Variants in C17orf75 observed in about 807,000 individuals in gnomAD.
C17orf75 encodes protein Njmu-R1.
C17orf75 carries 32 observed loss-of-function variants against 49.6 expected under a neutral mutation model. The ratio of observed to expected loss-of-function variants is 0.65; its 90% confidence interval spans 0.49 to 0.87. The LOEUF (loss-of-function observed/expected upper bound fraction) is 0.87. Among genes scored for constraint, C17orf75 ranks in the 40% least tolerant of loss-of-function variants. The pLI is 0.00. For synonymous variants in C17orf75, 158 were observed against 159.5 expected, an observed-to-expected ratio of 0.99 and a Z score of 0.07; for missense variants, 428 against 473.9, an observed-to-expected ratio of 0.90 and a Z score of 0.90.
upstream of C17orf75, chr17:32,343,923 G>A: frequency 8.8e-6 from 6 of 682,658 alleles, no homozygotes; most frequent in East Asian, 8.2e-5. Context: ...GTAGATATTT[G>A]GCAAAACTAG....
upstream of C17orf75, among the ~76,000 whole-genome samples, chr17:32,346,070 C>G (rs1160082277): frequency 1.3e-5 from 2 of 152,222 alleles, no homozygotes; most frequent in African/African-American, 4.8e-5. Context: ...GTCTCCAGCT[C>G]TAATCCATGG....
In C17orf75 at chr17:32,330,627, C is replaced by CA. The variant is rs1483731695; in HGVS notation, c.*1135dup. 1.3e-5 allele frequency: 2 copies of CA among 152,122 alleles called. No homozygotes were observed. The allele number at this position is 152,122 out of a possible 1,614,324, so 9.4% of individuals were successfully genotyped here. ...CAATCTGAGGCTTGTAACAAATGTA[C>CA]AAAAAACTAAAATCAATGAGTAACT... is the stretch of plus-strand genomic sequence containing the variant. On this transcript the variant is annotated 3_prime_UTR_variant, in exon 10 of 10. Coordinates refer to ENST00000577809, the MANE Select transcript of C17orf75 (RefSeq NM_022344.4).
chr17:32,344,518 G>A (rs2041409539), upstream of C17orf75, among the ~76,000 whole-genome samples: 2 of 151,542 alleles, frequency 1.3e-5, no homozygotes, highest in Admixed American at 1.3e-4. Flanking sequence ...TTGGGAGGCT[G>A]AGGCAGGAGA....
At position 32,335,421 on chromosome 17, in the gene C17orf75, T is replaced by A. The variant is rs2041315467; in HGVS notation, c.571A>T (p.Ile191Leu). The change falls in exon 6 of 10, where the codon ATA becomes TTA. Residue 191 changes from isoleucine (I) to leucine (L), a missense_variant. By Grantham distance (5) the Ile-to-Leu change is conservative. Transcript: ENST00000577809. ...NCEARGLESH[I>L]KSYLSSWFED... ...AACCAGCTGCTCAGATAGGATTTTATGTGACTCTCCAGGCCCCTTGCCTAA... is the reference window on the plus strand; with the variant it reads ...AACCAGCTGCTCAGATAGGATTTTAAGTGACTCTCCAGGCCCCTTGCCTAA... 1.9e-6 allele frequency: 3 copies of A among 1,613,852 alleles called. No homozygotes were observed. The Admixed American group carries it at 5.0e-5, about 27-fold the overall frequency.
chr17:32,341,389 G>C, intron 1 of C17orf75, 105 bp from the exon 2 acceptor site: 1 of 1,138,904 alleles, frequency 8.8e-7, no homozygotes, highest in Admixed American at 1.7e-5. Flanking sequence ...TAAAAATGCT[G>C]CAAGGTGGAA....
At chr17:32,336,766 A>C (rs1193797112) in intron 5 of C17orf75, among the ~76,000 whole-genome samples, 5 of 152,140 alleles carry the variant, frequency 3.3e-5, no homozygotes, top group African/African-American at 1.2e-4. Context: ...CATTGAATAG[A>C]TCGAATTTTT....
upstream of C17orf75, among the ~76,000 whole-genome samples, chr17:32,345,146 T>C (rs1028180822): frequency 6.6e-6 from 1 of 152,012 alleles, no homozygotes; most frequent in African/African-American, 2.4e-5. Context: ...CTCACGTCTT[T>C]ATTGTATTTT....
rs570765765 is a variant in C17orf75 at position 32,334,274 on chromosome 17, T to C, written c.871+195A>G. On this transcript the variant is annotated intron_variant, in intron 8 of 9. Transcript: ENST00000577809. The stretch of plus-strand genomic sequence containing the variant: ...ACTAGAATTTCTTTATGTACCTAGG[T>C]GTGGAATTGCTAGGCATGGCATGAT... 3.9e-5 allele frequency among the ~76,000 whole-genome samples: 6 copies of C among 152,340 alleles called. No individual in the cohort carries two copies. In the South Asian group the frequency reaches 1.2e-3, roughly 32 times the overall value.
At chr17:32,348,224 T>C (rs988042589) in intron 1 of C17orf75, among the ~76,000 whole-genome samples, 1 of 152,082 alleles carries the variant, frequency 6.6e-6, no homozygotes, top group Non-Finnish European at 1.5e-5. Context: ...GGTTTCACCA[T>C]GTTGGCCAGG....
intron 1 of C17orf75, 109 bp from the exon 2 acceptor site, chr17:32,341,393 G>T: frequency 2.8e-6 from 3 of 1,052,672 alleles, no homozygotes; most frequent in Non-Finnish European, 1.5e-6. Flanking sequence ...AATGCTGCAA[G>T]GTGGAAGTGC....
upstream of C17orf75, chr17:32,342,367 G>A: frequency 1.7e-6 from 1 of 582,910 alleles, no homozygotes; most frequent in Admixed American, 4.6e-5. Flanking sequence ...CATTTATTTT[G>A]AACTTATTTT....
chr17:32,341,026 C>T, intron 2 of C17orf75, 178 bp downstream of exon 2: 1 of 651,112 alleles, frequency 1.5e-6, no homozygotes, highest in South Asian at 1.8e-5. Context: ...TTTGTTTGCC[C>T]CAGCCTTGAA....
chr17:32,345,642 C>T (rs761788387), upstream of C17orf75, among the ~76,000 whole-genome samples: 2 of 151,944 alleles, frequency 1.3e-5, no homozygotes, highest in Non-Finnish European at 2.9e-5. Context: ...CCACCCTGGC[C>T]AACATGGTGA....
At position 32,333,490 on chromosome 17, in the gene C17orf75, T is replaced by G. The variant is rs762542544; in HGVS notation, c.902A>C (p.Gln301Pro). Reference protein sequence around the residue: ...GSNRFCEDWMQAFLNGAKGGN... With the variant: ...GSNRFCEDWMPAFLNGAKGGN... ...TCCTTTGGCACCATTTAAAAAAGCT[T>G]GCATCCAATCCTCACAAAACCGGTT... is the stretch of plus-strand genomic sequence containing the variant. The change falls in exon 9 of 10, where the codon CAA (glutamine) becomes CCA (proline). Residue 301 changes from glutamine (Q) to proline (P), a missense_variant. By Grantham distance (76) the Gln-to-Pro change is moderately conservative (BLOSUM62 -1). Transcript: ENST00000577809. 3 of 1,613,546 alleles carry G rather than the reference T, an allele frequency of 1.9e-6. No individual in the cohort carries two copies. The highest frequency in any genetic ancestry group is 4.5e-5 in the East Asian group (2 of 44,860).
chr17:32,334,973 G>A (rs1282651111), intron 6 of C17orf75, 134 bp from the exon 7 acceptor site: 2 of 729,536 alleles, frequency 2.7e-6, no homozygotes, highest in East Asian at 5.5e-5. Flanking sequence ...AAGCTCTCCA[G>A]AGCCTTGTTC....
intron 2 of C17orf75, 61 bp from the exon 3 acceptor site, chr17:32,339,999 T>G: frequency 6.3e-7 from 1 of 1,591,912 alleles, no homozygotes; most frequent in Non-Finnish European, 8.6e-7. Context: ...ACCCATTAAG[T>G]CAGACAGAAT....
In C17orf75 at chr17:32,335,305, T is replaced by A. The variant is rs894503243; in HGVS notation, c.669+18A>T. 6.2e-7 allele frequency: 1 copy of A among 1,611,688 alleles called. No homozygotes were observed. Among genetic ancestry groups the A allele is most frequent in the South Asian group, 1.1e-5 (1 of 90,888 alleles). On this transcript the variant is annotated intron_variant, in intron 6 of 9. Coordinates refer to ENST00000577809, the MANE Select transcript of C17orf75 (RefSeq NM_022344.4). Reference sequence around the variant, plus strand: ...GTGATTCTCAGTTAAGGAAATGCTCTCATTTGGCAGTACTTACAGCATGTA... The same window carrying A: ...GTGATTCTCAGTTAAGGAAATGCTCACATTTGGCAGTACTTACAGCATGTA...
In C17orf75 at chr17:32,330,592, C is replaced by T. The variant is rs928448504; in HGVS notation, c.*1171G>A. The T allele has an allele frequency of 1.3e-5, 2 of 152,208 alleles. No individual in the cohort carries two copies. Among genetic ancestry groups the T allele is most frequent in the African/African-American group, 4.8e-5 (2 of 41,452 alleles). The allele number at this position is 152,208 out of a possible 1,614,324, so 9.4% of individuals were successfully genotyped here. On this transcript the variant is annotated 3_prime_UTR_variant, in exon 10 of 10. Coordinates refer to ENST00000577809, the MANE Select transcript of C17orf75 (RefSeq NM_022344.4). The stretch of plus-strand genomic sequence containing the variant: ...TAGCTGAGGGCACTTTCAATTGATT[C>T]AGAGTAAAACAATCTGAGGCTTGTA...
In C17orf75 at chr17:32,329,559, A is replaced by G. The variant is rs937159741; in HGVS notation, c.*2204T>C. 2.0e-5 allele frequency: 3 copies of G among 152,066 alleles called. No individual in the cohort carries two copies. The highest frequency in any genetic ancestry group is 4.4e-5 in the Non-Finnish European group (3 of 68,010). 9.4% of individuals were successfully genotyped at this position (152,066 alleles called of 1,614,324 possible). ...TAGAGCTGTGTAATGTAGTGAGCCT[A>G]CATTACAAAAATATATACAACCACA... On this transcript the variant is annotated 3_prime_UTR_variant, in exon 10 of 10. Coordinates refer to ENST00000577809, the MANE Select transcript of C17orf75 (RefSeq NM_022344.4).
Sources: allele counts gnomAD v4.1 joint callset (sites outside exome capture counted in the v4.1 genomes callset), GRCh38; gene constraint gnomAD v4.1.1; transcripts MANE v1.5; gene names NCBI Gene and HGNC (gene_info 2026-07-23, HGNC 2026-07-21).